Variants in RGMA observed in about 807,000 individuals in gnomAD.
The protein encoded by RGMA is repulsive guidance molecule A.
RGMA carries 10 observed loss-of-function variants against 23.2 expected under a neutral mutation model. The ratio of observed to expected loss-of-function variants is 0.43; its 90% CI spans 0.27 to 0.73. The LOEUF (loss-of-function observed/expected upper bound fraction) is 0.73, where lower values mean the gene tolerates loss of function less well. Ranked by LOEUF, RGMA falls within the 30% of genes least tolerant of loss-of-function variation. The pLI is 0.20. For missense variants in RGMA, 547 were observed against 630.5 expected, an observed-to-expected ratio of 0.87 and a Z score of 1.42; for synonymous variants, 308 against 279.3, an observed-to-expected ratio of 1.10 and a Z score of -1.03.
intron 3 of RGMA, among the ~76,000 whole-genome samples, chr15:93,050,310 G>A (rs955180512): frequency 1.3e-5 from 2 of 152,220 alleles, no homozygotes; most frequent in Admixed American, 6.5e-5. Context: ...ACAGACAGGC[G>A]GGGGCAGGCC....
At position 93,041,856 on chromosome 15, in the gene RGMA, G is replaced by C. The variant is rs1231800001; in HGVS notation, c.*3142C>G. ...CTCTCTGGGAGCCCTGCAAGAACAG[G>C]GCTTTAGAACGTTCTCCTTTTTTGG... On this transcript the variant is annotated 3_prime_UTR_variant, in exon 4 of 4. Transcript: ENST00000329082. 6.6e-6 allele frequency: 1 copy of C among 152,262 alleles called. No homozygotes were observed. Among genetic ancestry groups the C allele is most frequent in the Non-Finnish European group, 1.5e-5 (1 of 68,084 alleles). The allele number at this position is 152,262 out of a possible 1,614,324, so 9.4% of individuals were successfully genotyped here. A position where few individuals can be genotyped will look rare whatever the true frequency, so the allele number is the denominator to read the frequency against.
intron 1 of RGMA, among the ~76,000 whole-genome samples, chr15:93,082,341 A>G (rs1268577476): frequency 6.6e-6 from 1 of 152,232 alleles, no homozygotes; most frequent in Non-Finnish European, 1.5e-5. Flanking sequence ...TTGAGGCCTG[A>G]TGGGCACCTA....
Position 93,081,026 on chromosome 15 carries a change from G to A in RGMA, c.14+7893C>T, listed in dbSNP as rs547360893. ...ACAAAAGCAATAGTATTTATGAATT[G>A]CTTAATTGTCAGTGTTGAGATGGAA... On this transcript the variant is annotated intron_variant, in intron 1 of 3. Coordinates refer to ENST00000329082, the MANE Select transcript of RGMA (RefSeq NM_020211.3). Among the ~76,000 whole-genome samples the A allele has an allele frequency of 7.2e-5, 11 of 152,298 alleles. No homozygotes were observed. The South Asian group carries it at 2.1e-3, about 29-fold the overall frequency.
At position 93,052,212 on chromosome 15, in the gene RGMA, G is replaced by A. The variant is rs1357176923; in HGVS notation, c.426C>T (p.Pro142=). Residue 142 remains proline (P), a synonymous_variant, in exon 3 of 4, where the codon CCC becomes CCT. Transcript: ENST00000329082. ...AGDSQERSDS[P]EICHYEKSFH... ...AGCTCTTCTCGTAATGGCAGATCTC[G>A]GGGCTGTCCGAGCGCTCCTGGCTGT... The A allele has an allele frequency of 1.9e-6, 3 of 1,609,724 alleles. No homozygotes were observed. Among genetic ancestry groups the A allele is most frequent in the African/African-American group, 1.3e-5 (1 of 75,004 alleles).
chr15:93,078,503 G>C (rs963475874), intron 1 of RGMA, among the ~76,000 whole-genome samples: 2 of 152,178 alleles, frequency 1.3e-5, no homozygotes, highest in African/African-American at 4.8e-5. Flanking sequence ...TCCTCTTTCA[G>C]ACTTTAAGGG....
chr15:93,071,616 G>A (rs1895325305), intron 2 of RGMA, among the ~76,000 whole-genome samples: 1 of 152,202 alleles, frequency 6.6e-6, no homozygotes, highest in African/African-American at 2.4e-5. Context: ...CTGGGACTAG[G>A]GGGTAAACTG....
In RGMA at chr15:93,089,207, A is replaced by C; in HGVS notation, c.-275T>G. ...CAGCCAGCGCTCGGGAGACAACTGC[A>C]GAGTGGGGCGGCCGGGACCAGCCCC... On this transcript the variant is annotated 5_prime_UTR_variant, in exon 1 of 4. Transcript: ENST00000329082. 8.1e-6 allele frequency: 2 copies of C among 245,534 alleles called. No homozygotes were observed. The highest frequency in any genetic ancestry group is 1.2e-3 in the Middle Eastern group (1 of 814). 15.2% of individuals were successfully genotyped at this position (245,534 alleles called of 1,614,324 possible).
chr15:93,069,083 TA>T lies in RGMA; in HGVS notation c.130+3832del, dbSNP rs1354674130. Among the ~76,000 whole-genome samples, 7 of 150,290 alleles carry T rather than the reference TA, an allele frequency of 4.7e-5. No individual in the cohort carries two copies. In the Admixed American group the frequency reaches 4.7e-4, roughly 10 times the overall value. Reference sequence around the variant, plus strand: ...TCCTACTGGGAGAGCAATAGTGTGGTAAGCAGGCTGATCTGCTGATGCATTT... The same window carrying T: ...TCCTACTGGGAGAGCAATAGTGTGGTAGCAGGCTGATCTGCTGATGCATTT... On this transcript the variant is annotated intron_variant, in intron 2 of 3. Coordinates refer to ENST00000329082, the MANE Select transcript of RGMA (RefSeq NM_020211.3).
Position 93,045,794 on chromosome 15 carries a change from G to C in RGMA, c.646-89C>G, listed in dbSNP as rs973008504. 3 of 976,530 alleles carry C rather than the reference G, an allele frequency of 3.1e-6. No individual in the cohort carries two copies. The highest frequency in any genetic ancestry group is 4.7e-6 in the Non-Finnish European group (3 of 641,684). The allele number at this position is 976,530 out of a possible 1,614,324, so 60.5% of individuals were successfully genotyped here. The stretch of plus-strand genomic sequence containing the variant: ...TTAAGATGCTCTAGACTGAGAGGAG[G>C]GCAGGAAGGATCCCCAGGGATGCCC... On this transcript the variant is annotated intron_variant, in intron 3 of 3. Coordinates refer to ENST00000329082, the MANE Select transcript of RGMA (RefSeq NM_020211.3). The surrounding 1 kb of genome is among the most constrained non-coding windows in gnomAD (Gnocchi z 6.9).
At chr15:93,080,097 C>T (rs1229065308) in intron 1 of RGMA, among the ~76,000 whole-genome samples, 3 of 151,686 alleles carry the variant, frequency 2.0e-5, no homozygotes, top group African/African-American at 2.4e-5. Context: ...AAAAATTTTA[C>T]CAAAATTAAA....
chr15:93,044,633 C>T lies in RGMA; in HGVS notation c.*365G>A. ...GATCGGCGAGCAGCAGTCGGCCGGGCCTTTCAGTGCATTGCGAGGGGGAAG... is the reference window on the plus strand; with the variant it reads ...GATCGGCGAGCAGCAGTCGGCCGGGTCTTTCAGTGCATTGCGAGGGGGAAG... On this transcript the variant is annotated 3_prime_UTR_variant, in exon 4 of 4. Transcript: ENST00000329082. 1 of 305,104 alleles carries T rather than the reference C, an allele frequency of 3.3e-6. No homozygotes were observed. Among genetic ancestry groups the T allele is most frequent in the Non-Finnish European group, 6.2e-6 (1 of 162,358 alleles). 18.9% of individuals were successfully genotyped at this position (305,104 alleles called of 1,614,324 possible). A position where few individuals can be genotyped will look rare whatever the true frequency, so the allele number is the denominator to read the frequency against.
chr15:93,081,787 G>A (rs1033689186), intron 1 of RGMA, among the ~76,000 whole-genome samples: 2 of 152,234 alleles, frequency 1.3e-5, no homozygotes. Context: ...TGTTTAGAAT[G>A]GCTAAGCAAA....
Position 93,036,979 on chromosome 15 carries a change from A to G in RGMA, c.*8019T>C, listed in dbSNP as rs2054668192. On this transcript the variant is annotated 3_prime_UTR_variant, in exon 4 of 4. Coordinates refer to ENST00000329082, the MANE Select transcript of RGMA (RefSeq NM_020211.3). ...ACGTGGTGTCCAGAGGACGACAAAG[A>G]TGGCAGCTCACCATGCACGTGGACC... 6.6e-6 allele frequency: 1 copy of G among 152,206 alleles called. No individual in the cohort carries two copies. The highest frequency in any genetic ancestry group is 1.5e-5 in the Non-Finnish European group (1 of 68,052). The allele number at this position is 152,206 out of a possible 1,614,324, so 9.4% of individuals were successfully genotyped here.
rs1433550329 is a variant in RGMA, at chr15:93,036,369, TG to T, written c.*8628del. 6.6e-6 allele frequency: 1 copy of T among 152,228 alleles called. No homozygotes were observed. The highest frequency in any genetic ancestry group is 1.5e-5 in the Non-Finnish European group (1 of 68,016). 9.4% of individuals were successfully genotyped at this position (152,228 alleles called of 1,614,324 possible). On this transcript the variant is annotated 3_prime_UTR_variant, in exon 4 of 4. Transcript: ENST00000329082. ...CAACCAACACCCACCCTGGGGCACT[TG>T]CCTTAAGGGATTAATCTGAGATCAT...
intron 3 of RGMA, among the ~76,000 whole-genome samples, chr15:93,046,448 A>G (rs1184102193): frequency 6.6e-6 from 1 of 152,170 alleles, no homozygotes; most frequent in Non-Finnish European, 1.5e-5. Context: ...CACAATTATA[A>G]AACATTTCTG....
chr15:93,076,932 CAG>C lies in RGMA; in HGVS notation c.15-3903_15-3902del, dbSNP rs142299326. On this transcript the variant is annotated intron_variant, in intron 1 of 3. Transcript: ENST00000329082. ...CAATAAAGCATAACACAGACTCTGA[CAG>C]GGGAGACACAGAACACAGGCGCCAG... Among the ~76,000 whole-genome samples the C allele has an allele frequency of 5.3e-3, 814 of 152,286 alleles. 11 individuals are homozygous for C. Among genetic ancestry groups the C allele is most frequent in the African/African-American group, 0.019 (779 of 41,564 alleles).
At chr15:93,065,607 G>C (rs1417448949) in intron 2 of RGMA, 2 of 805,284 alleles carry the variant, frequency 2.5e-6, no homozygotes, top group African/African-American at 1.7e-5. Context: ...GTGGTGGCGG[G>C]GTCCCCACTG....
intron 2 of RGMA, among the ~76,000 whole-genome samples, chr15:93,054,529 T>C (rs916529863): frequency 2.6e-5 from 4 of 152,224 alleles, no homozygotes; most frequent in African/African-American, 9.6e-5. Flanking sequence ...GGAGTTCCCC[T>C]GCACATGCTC....
intron 2 of RGMA, among the ~76,000 whole-genome samples, chr15:93,062,078 G>C (rs1894984761): frequency 6.6e-6 from 1 of 151,894 alleles, no homozygotes; most frequent in South Asian, 2.1e-4. Context: ...GGTGGGGTGA[G>C]CCGGAGAGGG....
Sources: allele counts gnomAD v4.1 joint callset (sites outside exome capture counted in the v4.1 genomes callset), GRCh38; gene constraint gnomAD v4.1.1; non-coding constraint Gnocchi (gnomAD v3.1); transcripts MANE v1.5; gene names NCBI Gene and HGNC (gene_info 2026-07-23, HGNC 2026-07-21).